The following HTR7 variants were observed in gnomAD, a reference collection of about 807,000 sequenced individuals.
HTR7 encodes 5-HT-7.
In HTR7, 16 loss-of-function variants were observed where a neutral mutation model predicts 34.0. That is an observed-to-expected ratio of 0.47 (90% confidence interval 0.32 to 0.71). The LOEUF (loss-of-function observed/expected upper bound fraction) is 0.71. Ranked by LOEUF, HTR7 falls within the 30% of genes least tolerant of loss-of-function variation. HTR7 has a pLI of 0.04. For synonymous variants in HTR7, 265 were observed against 260.2 expected (o/e 1.02, Z -0.18); for missense variants, 504 against 625.5 (o/e 0.81, Z 2.07).
intron 1 of HTR7, among the ~76,000 whole-genome samples, chr10:90,812,825 C>T (rs1845836134): frequency 6.6e-6 from 1 of 152,162 alleles, no homozygotes; most frequent in African/African-American, 2.4e-5. Flanking sequence ...GGCCTCTGAG[C>T]CCAAGCCAAG....
rs1844546921 is a variant in HTR7 at position 90,741,643 on chromosome 10, G to A, written c.*839C>T. The A allele has an allele frequency of 6.6e-6, 1 of 152,532 alleles. No homozygotes were observed. Among genetic ancestry groups the A allele is most frequent in the Non-Finnish European group, 1.5e-5 (1 of 68,042 alleles). The allele number at this position is 152,532 out of a possible 1,614,324, so 9.4% of individuals were successfully genotyped here. ...AACATACAGTTATGGGCCAGCCCAT[G>A]GGTGGGCCCACTGCAGCCTTGTAGA... is the stretch of plus-strand genomic sequence containing the variant. On this transcript the variant is annotated 3_prime_UTR_variant, in exon 4 of 4. Transcript: ENST00000336152.
intron 1 of HTR7, among the ~76,000 whole-genome samples, chr10:90,783,638 C>T (rs1845340111): frequency 6.6e-6 from 1 of 152,088 alleles, no homozygotes; most frequent in African/African-American, 2.4e-5. Context: ...TAGAGATAGG[C>T]TTTTTAGAAT....
rs1391823580 is a variant in HTR7, at chr10:90,777,174, A to C, written c.540-27580T>G. Among the ~76,000 whole-genome samples the C allele has an allele frequency of 3.3e-5, 5 of 152,080 alleles. No homozygotes were observed. In the South Asian group the frequency reaches 1.0e-3, roughly 32 times the overall value. Reference sequence around the variant, plus strand: ...CTAAATTCCCATTTTTAAAAGACTTACCTGTGGCCTTAAGATGCCTCCTAC... The same window carrying C: ...CTAAATTCCCATTTTTAAAAGACTTCCCTGTGGCCTTAAGATGCCTCCTAC... On this transcript the variant is annotated intron_variant, in intron 1 of 3. Coordinates refer to ENST00000336152, the MANE Select transcript of HTR7 (RefSeq NM_019859.4).
intron 1 of HTR7, among the ~76,000 whole-genome samples, chr10:90,761,435 T>C (rs1339992216): frequency 6.6e-6 from 1 of 152,208 alleles, no homozygotes; most frequent in Non-Finnish European, 1.5e-5. Context: ...GGAACTCTGA[T>C]GGACTCTTCC....
intron 1 of HTR7, among the ~76,000 whole-genome samples, chr10:90,842,548 G>A (rs1402256981): frequency 2.0e-5 from 3 of 152,070 alleles, no homozygotes; most frequent in East Asian, 3.9e-4. Context: ...TGCCCACAGA[G>A]TGGTCATGGG....
intron 1 of HTR7, among the ~76,000 whole-genome samples, chr10:90,814,571 A>T (rs1429416616): frequency 6.6e-6 from 1 of 152,260 alleles, no homozygotes; most frequent in African/African-American, 2.4e-5. Flanking sequence ...TTAAATGGTT[A>T]TTCTAAAAAA....
At chr10:90,840,482 G>T (rs2226116) in intron 1 of HTR7, among the ~76,000 whole-genome samples, 16,193 of 152,188 alleles carry the variant, frequency 0.11, 1,131 homozygotes, top group Non-Finnish European at 0.16. Flanking sequence ...TGCAATGCAA[G>T]TGTCCTCAAC....
At chr10:90,786,022 C>T (rs1388301773) in intron 1 of HTR7, among the ~76,000 whole-genome samples, 1 of 152,226 alleles carries the variant, frequency 6.6e-6, no homozygotes, top group Non-Finnish European at 1.5e-5. Context: ...TTCATACCAC[C>T]TGGCTTCCTT....
At chr10:90,817,934 C>G (rs1845921518) in intron 1 of HTR7, among the ~76,000 whole-genome samples, 1 of 152,098 alleles carries the variant, frequency 6.6e-6, no homozygotes, top group Admixed American at 6.6e-5. Flanking sequence ...AACCTCAAAA[C>G]TATGTAAAGT....
intron 2 of HTR7, among the ~76,000 whole-genome samples, chr10:90,745,807 G>A (rs1014849232): frequency 6.6e-6 from 1 of 152,128 alleles, no homozygotes; most frequent in Non-Finnish European, 1.5e-5. Flanking sequence ...TTATGTCAGT[G>A]ACAAATTACT....
intron 1 of HTR7, among the ~76,000 whole-genome samples, chr10:90,819,178 A>T (rs930671182): frequency 1.3e-5 from 2 of 152,202 alleles, no homozygotes; most frequent in Admixed American, 6.5e-5. Flanking sequence ...AAGAGATATT[A>T]AAAAATGTTC....
At chr10:90,743,240 T>C (rs1277748986) in intron 3 of HTR7, among the ~76,000 whole-genome samples, 2 of 152,210 alleles carry the variant, frequency 1.3e-5, no homozygotes, top group Non-Finnish European at 2.9e-5. Flanking sequence ...AGTCCTGCTC[T>C]TCCTTCTTTG....
intron 1 of HTR7, among the ~76,000 whole-genome samples, chr10:90,787,639 T>A (rs1845401032): frequency 6.6e-6 from 1 of 152,154 alleles, no homozygotes; most frequent in African/African-American, 2.4e-5. Context: ...ACCAGCCATA[T>A]GAAGGAGGTA....
At chr10:90,788,083 G>A (rs1490876176) in intron 1 of HTR7, among the ~76,000 whole-genome samples, 1 of 152,104 alleles carries the variant, frequency 6.6e-6, no homozygotes, top group African/African-American at 2.4e-5. Flanking sequence ...AACAGTGGGT[G>A]TTAGCACCAT....
chr10:90,848,188 G>C (rs947506077), intron 1 of HTR7, among the ~76,000 whole-genome samples: 1 of 148,270 alleles, frequency 6.7e-6, no homozygotes, highest in East Asian at 2.1e-4. Context: ...CCTGCCTCCC[G>C]AGTAACTGGG....
At chr10:90,849,941 A>G (rs897199546) in intron 1 of HTR7, among the ~76,000 whole-genome samples, 5 of 152,358 alleles carry the variant, frequency 3.3e-5, no homozygotes, top group Admixed American at 2.0e-4. Context: ...GAGGCAAGCC[A>G]ATATTGTGCA....
chr10:90,759,403 C>T lies in HTR7; in HGVS notation c.540-9809G>A, dbSNP rs190300861. Among the ~76,000 whole-genome samples, 789 of 151,860 alleles carry T rather than the reference C, an allele frequency of 5.2e-3. 5 individuals are homozygous for T. The highest frequency in any genetic ancestry group is 6.4e-3 in the Non-Finnish European group (436 of 67,934). The stretch of plus-strand genomic sequence containing the variant: ...GGGCGCGGTGGCTCACGCCTGTAAT[C>T]CCAGCACTTTGGGAGGCCGAGGCAG... On this transcript the variant is annotated intron_variant, in intron 1 of 3. Coordinates refer to ENST00000336152, the MANE Select transcript of HTR7 (RefSeq NM_019859.4).
chr10:90,752,697 T>A (rs142610248), intron 1 of HTR7, among the ~76,000 whole-genome samples: 13 of 152,240 alleles, frequency 8.5e-5, no homozygotes, highest in African/African-American at 3.1e-4. Flanking sequence ...TAGGTTCAAA[T>A]TGATTCAAAT....
At chr10:90,750,005 A>G (rs1844709541) in intron 1 of HTR7, among the ~76,000 whole-genome samples, 1 of 152,192 alleles carries the variant, frequency 6.6e-6, no homozygotes, top group Non-Finnish European at 1.5e-5. Flanking sequence ...ACACTCTGGT[A>G]TTATACACCC....
Sources: allele counts gnomAD v4.1 joint callset (sites outside exome capture counted in the v4.1 genomes callset), GRCh38; gene constraint gnomAD v4.1.1; transcripts MANE v1.5; gene names NCBI Gene and HGNC (gene_info 2026-07-23, HGNC 2026-07-21).